The following EIF4G3 variants were observed in gnomAD, a reference collection of about 807,000 sequenced individuals.
EIF4G3 encodes eIF-4-gamma 3.
EIF4G3 carries 34 observed loss-of-function variants against 186.4 expected under a neutral mutation model. The observed-to-expected ratio is 0.18, with a 90% CI of 0.14 to 0.24. The LOEUF is 0.24. Ranked by LOEUF, EIF4G3 falls within the 10% of genes least tolerant of loss-of-function variation. The probability of loss-of-function intolerance (pLI) is 1.00; values close to 1 mark genes in which losing one functional copy is unlikely to be tolerated. For synonymous variants in EIF4G3, 673 were observed against 679.5 expected, an observed-to-expected ratio of 0.99 and a Z score of 0.15; for missense variants, 1,536 against 1,948.5, an observed-to-expected ratio of 0.79 and a Z score of 3.99.
chr1:20,916,501 TG>T (rs2093891178), intron 14 of EIF4G3, among the ~76,000 whole-genome samples: 1 of 151,890 alleles, frequency 6.6e-6, no homozygotes, highest in Non-Finnish European at 1.5e-5. Context: ...ACCATGTTCA[TG>T]GGTCAGAAGA....
chr1:21,072,150 AAGG>A (rs1311105463), intron 3 of EIF4G3, among the ~76,000 whole-genome samples: 15 of 152,330 alleles, frequency 9.8e-5, no homozygotes, highest in African/African-American at 2.9e-4. Context: ...TAGTTTATTA[AAGG>A]AGTTTACTTT....
intron 4 of EIF4G3, among the ~76,000 whole-genome samples, chr1:21,040,952 A>ATT (rs112731832): frequency 6.8e-6 from 1 of 148,106 alleles, no homozygotes; most frequent in African/African-American, 2.5e-5. Context: ...CTCACTTCTG[A>ATT]TTTTTTTTTT....
At chr1:20,978,272 T>G (rs2077248665) in intron 10 of EIF4G3, among the ~76,000 whole-genome samples, 1 of 152,118 alleles carries the variant, frequency 6.6e-6, no homozygotes, top group African/African-American at 2.4e-5. Context: ...CAATATGCTG[T>G]CAAAAATTGG....
At chr1:21,083,089 T>A (rs2095846661) in intron 3 of EIF4G3, among the ~76,000 whole-genome samples, 1 of 137,284 alleles carries the variant, frequency 7.3e-6, no homozygotes, top group Non-Finnish European at 1.5e-5. Context: ...AAAAATTAGC[T>A]GGGCACGGTG....
chr1:20,861,432 G>C (rs2076307827), intron 23 of EIF4G3, among the ~76,000 whole-genome samples: 2 of 152,008 alleles, frequency 1.3e-5, no homozygotes, highest in Admixed American at 1.3e-4. Flanking sequence ...AGAATAGGAG[G>C]GTCACAGGAA....
chr1:21,053,800 A>T (rs28722989), intron 3 of EIF4G3, among the ~76,000 whole-genome samples: 40 of 118,608 alleles, frequency 3.4e-4, no homozygotes, highest in East Asian at 8.1e-4. Flanking sequence ...TACTGGGAAG[A>T]GAGGAGCCCC....
chr1:20,908,390 T>A (rs561955981), intron 14 of EIF4G3, among the ~76,000 whole-genome samples: 1 of 152,316 alleles, frequency 6.6e-6, no homozygotes, highest in Admixed American at 6.5e-5. Context: ...AATGGACAAA[T>A]TAACAGACAT....
intron 2 of EIF4G3, among the ~76,000 whole-genome samples, chr1:21,099,525 G>A (rs1229120887): frequency 2.0e-5 from 3 of 152,232 alleles, no homozygotes; most frequent in Admixed American, 1.3e-4. Context: ...CTGCACTCCT[G>A]CCTGGGCAAC....
chr1:20,934,718 A>C (rs960823151), intron 14 of EIF4G3, among the ~76,000 whole-genome samples: 2 of 152,098 alleles, frequency 1.3e-5, no homozygotes, highest in African/African-American at 4.8e-5. Flanking sequence ...ACTGGAGTTT[A>C]ATAGACAAAG....
chr1:21,081,523 T>G (rs1005870277), intron 3 of EIF4G3, among the ~76,000 whole-genome samples: 1 of 152,044 alleles, frequency 6.6e-6, no homozygotes, highest in Non-Finnish European at 1.5e-5. Flanking sequence ...TAAGCTTCTC[T>G]CTCATATCTG....
chr1:20,829,289 G>T lies in EIF4G3; in HGVS notation c.4062-17C>A, dbSNP rs1301780246. 1.9e-6 allele frequency: 3 copies of T among 1,599,448 alleles called. No individual in the cohort carries two copies. Among genetic ancestry groups the T allele is most frequent in the Non-Finnish European group, 2.6e-6 (3 of 1,174,460 alleles). ...TCTGAAAAACTGAAAAGGAACAGGG[G>T]GTAAAAATCACATGCAAATGTAATT... is the stretch of plus-strand genomic sequence containing the variant. On this transcript the variant is annotated splice_polypyrimidine_tract_variant and intron_variant, in intron 30 of 36. Coordinates refer to ENST00000602326, the MANE Select transcript of EIF4G3 (RefSeq NM_001391906.1).
At chr1:20,869,678 G>A (rs2154552830) in intron 20 of EIF4G3, among the ~76,000 whole-genome samples, 1 of 151,568 alleles carries the variant, frequency 6.6e-6, no homozygotes, top group Non-Finnish European at 1.5e-5. Context: ...GGGAGGCTGA[G>A]GCAGGAGAAT....
At chr1:21,169,897 C>G (rs116237700) in intron 2 of EIF4G3, among the ~76,000 whole-genome samples, 4,403 of 152,200 alleles carry the variant, frequency 0.029, 136 homozygotes, top group East Asian at 0.14. Context: ...TATTTACAGG[C>G]CAGGCACGGT....
At position 20,826,477 on chromosome 1, in the gene EIF4G3, CTTTCT is replaced by C. The variant is rs1571184405; in HGVS notation, c.4269+1135_4269+1139del. 7.8e-5 allele frequency among the ~76,000 whole-genome samples: 7 copies of C among 90,028 alleles called. No homozygotes were observed. In the South Asian group the frequency reaches 3.0e-3, roughly 38 times the overall value. The allele number at this position is 90,028 out of a possible 152,430, so 59.1% of individuals were successfully genotyped here. A position where few individuals can be genotyped will look rare whatever the true frequency, so the allele number is the denominator to read the frequency against. ...CCACTGTGCCAGCCAGAATGTGAGT[CTTTCT>C]TTTTTTTTTTTTTTTTTTTTTTTTT... On this transcript the variant is annotated intron_variant, in intron 32 of 36. Coordinates refer to ENST00000602326, the MANE Select transcript of EIF4G3 (RefSeq NM_001391906.1).
At chr1:20,970,328 C>T (rs760034623) in intron 11 of EIF4G3, among the ~76,000 whole-genome samples, 5 of 152,038 alleles carry the variant, frequency 3.3e-5, no homozygotes, top group Non-Finnish European at 7.4e-5. Flanking sequence ...AATTATCATA[C>T]GTCGGCCAGG....
chr1:21,132,568 T>C lies in EIF4G3; in HGVS notation c.-271-43355A>G, dbSNP rs540806637. On this transcript the variant is annotated intron_variant, in intron 2 of 36. Coordinates refer to ENST00000602326, the MANE Select transcript of EIF4G3 (RefSeq NM_001391906.1). Reference sequence around the variant, plus strand: ...TCCCACCTCAGCCTCCCAAGTATTATAGCTAGGACCACAGGCATATGCCAC... The same window carrying C: ...TCCCACCTCAGCCTCCCAAGTATTACAGCTAGGACCACAGGCATATGCCAC... Among the ~76,000 whole-genome samples the C allele has an allele frequency of 1.1e-4, 16 of 151,818 alleles. No homozygotes were observed. In the South Asian group the frequency reaches 2.5e-3, roughly 24 times the overall value.
chr1:21,016,166 A>C (rs1486008891), intron 4 of EIF4G3, among the ~76,000 whole-genome samples: 2 of 152,242 alleles, frequency 1.3e-5, no homozygotes, highest in African/African-American at 2.4e-5. Context: ...GCCTGAGGTG[A>C]AAAGAAGTAC....
At chr1:20,862,606 T>C in intron 22 of EIF4G3, among the ~76,000 whole-genome samples, 1 of 151,992 alleles carries the variant, frequency 6.6e-6, no homozygotes, top group East Asian at 1.9e-4. Context: ...AGAGACAGGG[T>C]CTCATTATGT....
At chr1:20,868,085 A>ATTTTTTTTTTTTTTTTTTTT in intron 20 of EIF4G3, among the ~76,000 whole-genome samples, 1 of 14,676 alleles carries the variant, frequency 6.8e-5, no homozygotes, top group Non-Finnish European at 2.0e-4. Context: ...ATTCATGGTG[A>ATTTTTTTTTTTTTTTTTTTT]TTTTCTTTTT....
Sources: allele counts gnomAD v4.1 joint callset (sites outside exome capture counted in the v4.1 genomes callset), GRCh38; gene constraint gnomAD v4.1.1; transcripts MANE v1.5; gene names NCBI Gene and HGNC (gene_info 2026-07-23, HGNC 2026-07-21).